Variants in KLHL29 observed in about 807,000 individuals in gnomAD.
KLHL29 encodes the protein kelch like family member 29.
A neutral mutation model predicts 80.4 loss-of-function variants in KLHL29; 21 were observed. The ratio of observed to expected loss-of-function variants is 0.26; its 90% CI spans 0.19 to 0.38. The LOEUF is 0.38. Among genes scored for constraint, KLHL29 ranks in the 10% least tolerant of loss-of-function variants. KLHL29 has a pLI of 1.00. For synonymous variants in KLHL29, 511 were observed against 526.8 expected (o/e 0.97, Z 0.41); for missense variants, 867 against 1,223.9 (o/e 0.71, Z 4.35).
intron 2 of KLHL29, among the ~76,000 whole-genome samples, chr2:23,559,972 G>C (rs1220577340): frequency 6.6e-6 from 1 of 152,186 alleles, no homozygotes; most frequent in African/African-American, 2.4e-5. Flanking sequence ...CTGCAGAGGA[G>C]GGTTCCGGAA....
intron 3 of KLHL29, among the ~76,000 whole-genome samples, chr2:23,607,903 A>C (rs1326626063): frequency 2.0e-5 from 3 of 152,088 alleles, no homozygotes; most frequent in African/African-American, 7.2e-5. Context: ...TGCCTTAGAG[A>C]GCTCTGAACT....
At position 23,680,388 on chromosome 2, in the gene KLHL29, C is replaced by G. The variant is rs1671049404; in HGVS notation, c.941-4011C>G. On this transcript the variant is annotated intron_variant, in intron 5 of 13. Coordinates refer to ENST00000486442, the MANE Select transcript of KLHL29 (RefSeq NM_052920.2). The surrounding 1 kb of genome is among the most constrained non-coding windows in gnomAD (Gnocchi z 4.1). ...GGAAGTGGGGAAAGGGGCAAAGAGG[C>G]CTGGGACAAAAATCTGAGCATGGGG... is the stretch of plus-strand genomic sequence containing the variant. Among the ~76,000 whole-genome samples, 1 of 152,116 alleles carries G rather than the reference C, an allele frequency of 6.6e-6. No homozygotes were observed. Among genetic ancestry groups the G allele is most frequent in the Admixed American group, 6.5e-5 (1 of 15,272 alleles).
At chr2:23,508,601 G>A (rs533752785) in intron 2 of KLHL29, among the ~76,000 whole-genome samples, 2 of 152,358 alleles carry the variant, frequency 1.3e-5, no homozygotes, top group African/African-American at 2.4e-5. Flanking sequence ...GGGGAGTGTC[G>A]AGGTTCTAGA....
At chr2:23,615,813 T>C (rs979185369) in intron 3 of KLHL29, among the ~76,000 whole-genome samples, 1 of 152,140 alleles carries the variant, frequency 6.6e-6, no homozygotes, top group Non-Finnish European at 1.5e-5. Context: ...ACCATGACCT[T>C]GTTCAGCTGC....
chr2:23,520,774 C>T (rs1666069712), intron 2 of KLHL29, among the ~76,000 whole-genome samples: 1 of 152,212 alleles, frequency 6.6e-6, no homozygotes, highest in African/African-American at 2.4e-5. Flanking sequence ...ACACAAATCT[C>T]ATTATAGGAA....
chr2:23,575,616 G>T (rs1281792092), intron 3 of KLHL29, among the ~76,000 whole-genome samples: 1 of 152,218 alleles, frequency 6.6e-6, no homozygotes, highest in Non-Finnish European at 1.5e-5. Context: ...TTGGGAGGTG[G>T]TATCATGCCC....
intron 3 of KLHL29, among the ~76,000 whole-genome samples, chr2:23,611,808 T>C (rs963808050): frequency 1.3e-5 from 2 of 151,916 alleles, no homozygotes; most frequent in Admixed American, 6.6e-5. Flanking sequence ...ACTATATATC[T>C]TTTTAAAAAC....
chr2:23,400,332 T>G (rs1412542351), intron 1 of KLHL29, among the ~76,000 whole-genome samples: 6 of 152,210 alleles, frequency 3.9e-5, no homozygotes, highest in Non-Finnish European at 8.8e-5. Flanking sequence ...TTGAGGCTGG[T>G]TGAGATGCTC....
chr2:23,544,771 C>A (rs976159167), intron 2 of KLHL29, among the ~76,000 whole-genome samples: 2 of 152,048 alleles, frequency 1.3e-5, no homozygotes, highest in Admixed American at 1.3e-4. Context: ...GCAGTGTGTG[C>A]AAAGGTCCTG....
intron 2 of KLHL29, among the ~76,000 whole-genome samples, chr2:23,500,739 A>G (rs1003004910): frequency 6.0e-4 from 91 of 152,246 alleles, no homozygotes; most frequent in African/African-American, 2.1e-3. Flanking sequence ...ACTATTTCCA[A>G]GAAAAGAGTT....
At chr2:23,456,568 G>A (rs947438018) in intron 1 of KLHL29, among the ~76,000 whole-genome samples, 3 of 152,388 alleles carry the variant, frequency 2.0e-5, no homozygotes, top group South Asian at 4.1e-4. Flanking sequence ...TAGCACCCAC[G>A]AGTGAGGAGC....
intron 1 of KLHL29, among the ~76,000 whole-genome samples, chr2:23,434,047 C>T (rs1443142623): frequency 1.3e-5 from 2 of 151,594 alleles, no homozygotes; most frequent in African/African-American, 2.4e-5. Context: ...TCCGGCCGGG[C>T]GCGGTGGCTC....
chr2:23,556,503 A>G (rs148163916), intron 2 of KLHL29, among the ~76,000 whole-genome samples: 3 of 152,044 alleles, frequency 2.0e-5, no homozygotes, highest in East Asian at 3.9e-4. Context: ...AAATACAAAA[A>G]TTAGCGGGTG....
chr2:23,526,393 G>A (rs1174531714), intron 2 of KLHL29, among the ~76,000 whole-genome samples: 1 of 152,262 alleles, frequency 6.6e-6, no homozygotes, highest in African/African-American at 2.4e-5. Context: ...GACAGCCCAT[G>A]CGTGACTAAG....
At chr2:23,431,008 A>G (rs573043591) in intron 1 of KLHL29, among the ~76,000 whole-genome samples, 1 of 152,348 alleles carries the variant, frequency 6.6e-6, no homozygotes, top group South Asian at 2.1e-4. Context: ...GCAGACTTGA[A>G]ATAGACGGAC....
chr2:23,546,835 G>C (rs796836307), intron 2 of KLHL29, among the ~76,000 whole-genome samples: 37 of 152,344 alleles, frequency 2.4e-4, no homozygotes, highest in African/African-American at 8.7e-4. Flanking sequence ...AAAGGCTCCC[G>C]GGGATATCTG....
intron 1 of KLHL29, among the ~76,000 whole-genome samples, chr2:23,440,368 A>G (rs1663480179): frequency 6.6e-6 from 1 of 151,830 alleles, no homozygotes; most frequent in Admixed American, 6.6e-5. Context: ...CTAAAACCAT[A>G]AAAACTCTAT....
intron 1 of KLHL29, among the ~76,000 whole-genome samples, chr2:23,397,503 C>T (rs1388402766): frequency 1.3e-5 from 2 of 152,206 alleles, no homozygotes; most frequent in African/African-American, 4.8e-5. Context: ...CCTGGTATAC[C>T]TTCCCGAATG....
chr2:23,437,049 T>A (rs1046171822), intron 1 of KLHL29, among the ~76,000 whole-genome samples: 1 of 152,218 alleles, frequency 6.6e-6, no homozygotes, highest in Admixed American at 6.5e-5. Flanking sequence ...CCAGACTCTC[T>A]GATAATCATT....
Sources: allele counts gnomAD v4.1 joint callset (sites outside exome capture counted in the v4.1 genomes callset), GRCh38; gene constraint gnomAD v4.1.1; non-coding constraint Gnocchi (gnomAD v3.1); transcripts MANE v1.5; gene names NCBI Gene and HGNC (gene_info 2026-07-23, HGNC 2026-07-21).